FLYWCH1: variants seen among roughly 807,000 people sequenced by gnomAD.
FLYWCH1 encodes the protein FLYWCH-type zinc finger 1.
FLYWCH1 carries 75 observed loss-of-function variants against 66.4 expected under a neutral mutation model. The ratio of observed to expected loss-of-function variants is 1.13; its 90% CI spans 0.94 to 1.37. The LOEUF (loss-of-function observed/expected upper bound fraction) is 1.37. Ranked by LOEUF, FLYWCH1 falls within the 40% of genes most tolerant of loss-of-function variation. The pLI, the probability that FLYWCH1 is intolerant of heterozygous loss-of-function variation, is 0.00. For missense variants in FLYWCH1, 1,334 were observed against 1,001.8 expected, an observed-to-expected ratio of 1.33 and a Z score of -4.48; for synonymous variants, 595 against 429.9, an observed-to-expected ratio of 1.38 and a Z score of -4.75.
intron 8 of FLYWCH1, chr16:2,939,702 C>T: frequency 7.0e-6 from 2 of 283,892 alleles, no homozygotes; most frequent in South Asian, 7.4e-5. Context: ...CCTGTCTTTA[C>T]AAGAAATTTT....
At chr16:2,947,003 C>G (rs1247428223) in intron 9 of FLYWCH1, among the ~76,000 whole-genome samples, 1 of 152,114 alleles carries the variant, frequency 6.6e-6, no homozygotes, top group Admixed American at 6.6e-5. Flanking sequence ...GGTATGTACC[C>G]AGGAGAACTG....
At chr16:2,934,188 C>A (rs956098337) in intron 6 of FLYWCH1, among the ~76,000 whole-genome samples, 2 of 152,168 alleles carry the variant, frequency 1.3e-5, no homozygotes, top group Non-Finnish European at 2.9e-5. Flanking sequence ...CCCAGCCTCC[C>A]CCTTCCAGCC....
chr16:2,913,891 G>T (rs753954907), intron 1 of FLYWCH1, among the ~76,000 whole-genome samples: 26 of 152,146 alleles, frequency 1.7e-4, no homozygotes, highest in Non-Finnish European at 2.8e-4. Context: ...AATGGTGGGG[G>T]CGAGGGGCAG....
At chr16:2,937,461 C>CACGCTGGCTGGAGGCTGCCT (rs368525062) in intron 7 of FLYWCH1, 77 bp downstream of exon 7, 1 of 1,438,670 alleles carries the variant, frequency 7.0e-7, no homozygotes, top group African/African-American at 1.4e-5. Flanking sequence ...GGAGGCTGCC[C>CACGCTGGCTGGAGGCTGCCT]GTGGGGTGTT....
rs60942194 is a variant in FLYWCH1, at chr16:2,945,485, CA to C, written c.2112-3182del. On this transcript the variant is annotated intron_variant, in intron 9 of 9. Transcript: ENST00000253928. ...CTGGTGGCAGAGCGAGACTCCATCT[CA>C]AAAAAAAAAAAAAAAAAAAATTAGC... Among the ~76,000 whole-genome samples, 251 of 87,894 alleles carry C rather than the reference CA, an allele frequency of 2.9e-3. 1 individual carries two copies. The highest frequency in any genetic ancestry group is 3.9e-3 in the Admixed American group (30 of 7,700). 57.7% of individuals were successfully genotyped at this position (87,894 alleles called of 152,430 possible).
intron 6 of FLYWCH1, among the ~76,000 whole-genome samples, chr16:2,934,445 C>T (rs2070911625): frequency 6.6e-6 from 1 of 152,228 alleles, no homozygotes; most frequent in African/African-American, 2.4e-5. Flanking sequence ...GAAACGCTGG[C>T]CCGAGGAGGG....
Position 2,930,878 on chromosome 16 carries a change from T to G in FLYWCH1, c.794T>G (p.Leu265Arg). 5 of 1,586,342 alleles carry G rather than the reference T, an allele frequency of 3.2e-6. No homozygotes were observed. Among genetic ancestry groups the G allele is most frequent in the Non-Finnish European group, 3.4e-6 (4 of 1,171,584 alleles). ...CCCAAGAAGCGCTCGATCCTGGGGC[T>G]GGGTGAGTACAATCCACTCCCCTGC... ...LPPKKRSILG[L>R]GQARPLEFLR... The change falls in exon 4 of 10, where the codon CTG (leucine) becomes CGG (arginine). Residue 265 changes from leucine (L) to arginine (R), a missense_variant and splice_region_variant. Leu to Arg is a moderately radical substitution (Grantham distance 102). Transcript: ENST00000253928.
In FLYWCH1 at chr16:2,930,968, A is replaced by G. The variant is rs148383335; in HGVS notation, c.796+88A>G. ...AGCCCAAATAGAAATGTGGGGTCCC[A>G]CAGGGTCTTTTAAAATGTACTCAAA... is the stretch of plus-strand genomic sequence containing the variant. On this transcript the variant is annotated intron_variant, in intron 4 of 9. Transcript: ENST00000253928. 4.5e-4 allele frequency: 463 copies of G among 1,030,400 alleles called. 2 individuals carry two copies. In the African/African-American group the frequency reaches 7.1e-3, roughly 16 times the overall value. 63.8% of individuals were successfully genotyped at this position (1,030,400 alleles called of 1,614,324 possible).
intron 1 of FLYWCH1, among the ~76,000 whole-genome samples, chr16:2,913,426 C>A (rs1230685960): frequency 1.3e-5 from 2 of 152,108 alleles, no homozygotes; most frequent in Non-Finnish European, 2.9e-5. Context: ...ATTGGCCAAG[C>A]TCTCCCTTTC....
chr16:2,943,982 G>C (rs2071375638), intron 9 of FLYWCH1, among the ~76,000 whole-genome samples: 1 of 152,102 alleles, frequency 6.6e-6, no homozygotes, highest in African/African-American at 2.4e-5. Context: ...TACATGCCCA[G>C]CTACTTCGGA....
chr16:2,920,084 G>A (rs535557802), intron 2 of FLYWCH1, among the ~76,000 whole-genome samples: 1 of 151,762 alleles, frequency 6.6e-6, no homozygotes, highest in Non-Finnish European at 1.5e-5. Flanking sequence ...TGAGTGGCAG[G>A]ATTAGGGGTC....
chr16:2,917,482 G>C (rs1041613113), intron 2 of FLYWCH1, among the ~76,000 whole-genome samples: 2 of 151,988 alleles, frequency 1.3e-5, no homozygotes, highest in Admixed American at 1.3e-4. Flanking sequence ...GCCCATCTCA[G>C]CCTCCCAAAG....
At chr16:2,917,397 T>A (rs1343847864) in intron 2 of FLYWCH1, among the ~76,000 whole-genome samples, 1 of 150,874 alleles carries the variant, frequency 6.6e-6, no homozygotes, top group East Asian at 2.0e-4. Flanking sequence ...GCCCAGCTAA[T>A]TTTGTATTTT....
chr16:2,948,374 C>A (rs1596411085), intron 9 of FLYWCH1, among the ~76,000 whole-genome samples: 2 of 151,832 alleles, frequency 1.3e-5, no homozygotes, highest in East Asian at 3.9e-4. Flanking sequence ...TCCTGGCCAA[C>A]ATGGTGAAAC....
intron 2 of FLYWCH1, among the ~76,000 whole-genome samples, chr16:2,925,445 T>TTCAGTCCCAC (rs935466890): frequency 1.4e-5 from 2 of 143,100 alleles, no homozygotes; most frequent in East Asian, 2.4e-4. Flanking sequence ...CCCAGTGCCA[T>TTCAGTCCCAC]TCAGTCCCAC....
chr16:2,938,220 T>C lies in FLYWCH1; in HGVS notation c.1814T>C (p.Leu605Pro), dbSNP rs538989055. Reference sequence around the variant, plus strand: ...CCCCTGGAGTTCCTGAGGACTTCCCTGGGGGGCAGGTTCCTGGTGCACGAG... The same window carrying C: ...CCCCTGGAGTTCCTGAGGACTTCCCCGGGGGGCAGGTTCCTGGTGCACGAG... ...LRPLEFLRTS[L>P]GGRFLVHESF... The change falls in exon 8 of 10, where the codon CTG (leucine) becomes CCG (proline). Residue 605 changes from leucine (L) to proline (P), a missense_variant. Transcript: ENST00000253928. The C allele has an allele frequency of 7.3e-5, 118 of 1,613,032 alleles. 1 individual carries two copies. In the South Asian group the frequency reaches 1.2e-3, roughly 16 times the overall value.
intron 2 of FLYWCH1, chr16:2,929,058 A>C (rs1567329945): frequency 6.5e-6 from 1 of 153,128 alleles, no homozygotes; most frequent in Non-Finnish European, 1.5e-5. Context: ...TCCTCTGGAA[A>C]GGGCTCTGCG....
chr16:2,926,441 A>G (rs572117683), intron 2 of FLYWCH1, among the ~76,000 whole-genome samples: 1 of 152,358 alleles, frequency 6.6e-6, no homozygotes, highest in Admixed American at 6.5e-5. Flanking sequence ...ACAAAGGGAC[A>G]GAATTCCAGA....
intron 1 of FLYWCH1, among the ~76,000 whole-genome samples, chr16:2,913,952 C>G (rs566889414): frequency 1.3e-5 from 2 of 152,244 alleles, no homozygotes; most frequent in Non-Finnish European, 2.9e-5. Flanking sequence ...TCAAACAATT[C>G]TCTCACCTGA....
Sources: gnomAD v4.1 joint callset for allele counts (sites outside exome capture counted in the v4.1 genomes callset) on GRCh38, gnomAD v4.1.1 for gene constraint, MANE v1.5 for transcripts, NCBI Gene and HGNC (gene_info 2026-07-23, HGNC 2026-07-21) for gene names.